The following INTU variants were observed in gnomAD, a reference collection of about 807,000 sequenced individuals.
INTU encodes the protein protein inturned.
INTU carries 68 observed loss-of-function variants against 100.5 expected under a neutral mutation model. That is an observed-to-expected ratio of 0.68 (90% CI 0.56 to 0.83). The LOEUF is 0.83. INTU is among the 40% of genes least tolerant of loss of function. The probability of loss-of-function intolerance (pLI) is 0.00; values close to 1 mark genes in which losing one functional copy is unlikely to be tolerated. For missense variants in INTU, 1,071 were observed against 1,114.7 expected, an observed-to-expected ratio of 0.96 and a Z score of 0.56; for synonymous variants, 357 against 395.7, an observed-to-expected ratio of 0.90 and a Z score of 1.16.
At chr4:127,643,332 T>A (rs1727415303) in intron 1 of INTU, among the ~76,000 whole-genome samples, 189 bp from the exon 2 acceptor site, 1 of 152,142 alleles carries the variant, frequency 6.6e-6, no homozygotes, top group South Asian at 2.1e-4. Context: ...AAAAAAAGCA[T>A]CCTATATGAA....
chr4:127,721,368 A>G lies in INTU; in HGVS notation c.*4932A>G, dbSNP rs1403213085. On this transcript the variant is annotated 3_prime_UTR_variant, in exon 16 of 16. Coordinates refer to ENST00000335251, the MANE Select transcript of INTU (RefSeq NM_015693.4). The stretch of plus-strand genomic sequence containing the variant: ...GTTAGTCTGATGGGCTTCCCTTTAT[A>G]AGTGACCTGGCCTATCTCTCTGACT... The G allele has an allele frequency of 6.6e-6, 1 of 152,140 alleles. No individual in the cohort carries two copies. Among genetic ancestry groups the G allele is most frequent in the Non-Finnish European group, 1.5e-5 (1 of 68,028 alleles). 9.4% of individuals were successfully genotyped at this position (152,140 alleles called of 1,614,324 possible).
rs1731292451 is a variant in INTU, at chr4:127,717,941, T to C, written c.*1505T>C. 6.6e-6 allele frequency: 1 copy of C among 152,238 alleles called. No individual in the cohort carries two copies. Among genetic ancestry groups the C allele is most frequent in the African/African-American group, 2.4e-5 (1 of 41,462 alleles). The allele number at this position is 152,238 out of a possible 1,614,324, so 9.4% of individuals were successfully genotyped here. A position where few individuals can be genotyped will look rare whatever the true frequency, so the allele number is the denominator to read the frequency against. On this transcript the variant is annotated 3_prime_UTR_variant, in exon 16 of 16. Transcript: ENST00000335251. The stretch of plus-strand genomic sequence containing the variant: ...ATTTTCTCCCACTCTGTAGGTTGCC[T>C]GTTCACTCTGATGATAGTTTCTTTT...
intron 9 of INTU, among the ~76,000 whole-genome samples, chr4:127,700,302 A>G (rs1730592837): frequency 6.6e-6 from 1 of 152,212 alleles, no homozygotes; most frequent in African/African-American, 2.4e-5. Flanking sequence ...GTCACTGAGA[A>G]CTAAGCTTTT....
At chr4:127,674,344 A>G (rs1729076204) in intron 6 of INTU, 131 bp downstream of exon 6, 1 of 649,908 alleles carries the variant, frequency 1.5e-6, no homozygotes, top group Non-Finnish European at 2.6e-6. Flanking sequence ...CTATTGCACT[A>G]GTAAAATAGT....
chr4:127,718,929 A>G lies in INTU; in HGVS notation c.*2493A>G, dbSNP rs1244278402. On this transcript the variant is annotated 3_prime_UTR_variant, in exon 16 of 16. Coordinates refer to ENST00000335251, the MANE Select transcript of INTU (RefSeq NM_015693.4). ...TAGATATAGGATAATGTCCTCTGCA[A>G]ACAAAGACATTTTGACTTCCTCTCT... 6.6e-6 allele frequency: 1 copy of G among 152,168 alleles called. No individual in the cohort carries two copies. Among genetic ancestry groups the G allele is most frequent in the South Asian group, 2.1e-4 (1 of 4,824 alleles). The allele number at this position is 152,168 out of a possible 1,614,324, so 9.4% of individuals were successfully genotyped here.
chr4:127,633,230 A>C, intron 1 of INTU, 50 bp downstream of exon 1: 1 of 1,578,574 alleles, frequency 6.3e-7, no homozygotes, highest in Non-Finnish European at 8.7e-7. Context: ...AATCCAGAGA[A>C]TATACACGTG....
intron 4 of INTU, among the ~76,000 whole-genome samples, chr4:127,664,646 A>C (rs1323449601): frequency 6.6e-6 from 1 of 152,074 alleles, no homozygotes; most frequent in Non-Finnish European, 1.5e-5. Context: ...TCTGTCTTAA[A>C]GTCCTTTTTT....
intron 8 of INTU, among the ~76,000 whole-genome samples, chr4:127,690,975 C>T (rs896069385): frequency 7.9e-5 from 12 of 152,118 alleles, no homozygotes; most frequent in African/African-American, 2.7e-4. Flanking sequence ...TTCACAGCCC[C>T]AGAAATCCTC....
intron 8 of INTU, among the ~76,000 whole-genome samples, chr4:127,691,111 G>A (rs1730101838): frequency 6.6e-6 from 1 of 152,076 alleles, no homozygotes; most frequent in Non-Finnish European, 1.5e-5. Context: ...CATATGGTAT[G>A]TAGTCTTTTC....
rs901145463 is a variant in INTU, at chr4:127,723,303, G to A, written c.*6867G>A. On this transcript the variant is annotated 3_prime_UTR_variant, in exon 16 of 16. Coordinates refer to ENST00000335251, the MANE Select transcript of INTU (RefSeq NM_015693.4). Reference sequence around the variant, plus strand: ...TCAGTATCTCAACTGAAGATGCAGAGTTGACTCACAGTTTTCTTCCTTCTT... The same window carrying A: ...TCAGTATCTCAACTGAAGATGCAGAATTGACTCACAGTTTTCTTCCTTCTT... The A allele has an allele frequency of 6.6e-6, 1 of 150,746 alleles. No homozygotes were observed. The highest frequency in any genetic ancestry group is 2.4e-5 in the African/African-American group (1 of 40,844). 9.3% of individuals were successfully genotyped at this position (150,746 alleles called of 1,614,324 possible). A position where few individuals can be genotyped will look rare whatever the true frequency, so the allele number is the denominator to read the frequency against.
chr4:127,655,541 C>T (rs1287759083), intron 2 of INTU, among the ~76,000 whole-genome samples: 1 of 151,616 alleles, frequency 6.6e-6, no homozygotes, highest in Admixed American at 6.6e-5. Flanking sequence ...GCTCGGGGGT[C>T]AGGGGTCAGG....
chr4:127,699,410 A>G (rs760289504), intron 8 of INTU: 1 of 152,216 alleles, frequency 6.6e-6, no homozygotes, highest in Non-Finnish European at 1.5e-5. Context: ...TCTGTGGGGT[A>G]GTTGAACTGT....
rs148444990 is a variant in INTU, at chr4:127,705,674, A to T, written c.1650A>T (p.Leu550Phe). 123 of 1,613,762 alleles carry T rather than the reference A, an allele frequency of 7.6e-5. No individual in the cohort carries two copies. In the African/African-American group the frequency reaches 1.5e-3, roughly 20 times the overall value. Residue 550 changes from leucine to phenylalanine, a missense_variant, in exon 11 of 16, where the codon TTA (leucine) becomes TTT (phenylalanine). Physicochemically the swap from Leu to Phe is conservative, Grantham distance 22. Coordinates refer to ENST00000335251, the MANE Select transcript of INTU (RefSeq NM_015693.4). The stretch of plus-strand genomic sequence containing the variant: ...GTCGCCACTATTGCCTGCTGCCTTT[A>T]GCAGCAAAACAAAGAATTGGTCAGT... ...VYCRHYCLLP[L>F]AAKQRIGQLI...
intron 6 of INTU, among the ~76,000 whole-genome samples, chr4:127,682,677 A>T (rs1729633396): frequency 6.6e-6 from 1 of 151,790 alleles, no homozygotes; most frequent in Non-Finnish European, 1.5e-5. Context: ...GCACACCAGC[A>T]TGGCACATGT....
intron 3 of INTU, among the ~76,000 whole-genome samples, chr4:127,662,196 G>A (rs564303794): frequency 2.6e-5 from 4 of 152,150 alleles, no homozygotes; most frequent in South Asian, 2.1e-4. Flanking sequence ...TGTCAGATGC[G>A]TAGTTTGCAA....
Position 127,669,052 on chromosome 4 carries a change from A to G in INTU, c.989A>G (p.His330Arg), listed in dbSNP as rs1315186944. The change falls in exon 5 of 16, where the codon CAT (histidine) becomes CGT (arginine). Residue 330 changes from histidine to arginine, a missense_variant. By Grantham distance (29) the His-to-Arg change is conservative. Coordinates refer to ENST00000335251, the MANE Select transcript of INTU (RefSeq NM_015693.4). The part of the protein sequence containing the change: ...TSKEEQEILY[H>R]YPMSEASQKL... Reference sequence around the variant, plus strand: ...ATTTAACAGCAGGAAATTCTTTATCATTATCCAATGTCTGAAGCATCTCAG... The same window carrying G: ...ATTTAACAGCAGGAAATTCTTTATCGTTATCCAATGTCTGAAGCATCTCAG... 2 of 1,479,866 alleles carry G rather than the reference A, an allele frequency of 1.4e-6. No individual in the cohort carries two copies. The highest frequency in any genetic ancestry group is 1.8e-6 in the Non-Finnish European group (2 of 1,085,878). The allele number at this position is 1,479,866 out of a possible 1,614,324, so 91.7% of individuals were successfully genotyped here.
chr4:127,676,585 C>CAAA (rs759247806), intron 6 of INTU, among the ~76,000 whole-genome samples: 2 of 76,776 alleles, frequency 2.6e-5, no homozygotes, highest in African/African-American at 1.0e-4. Context: ...GACAATGTCT[C>CAAA]AAAAAAAAAA....
intron 5 of INTU, among the ~76,000 whole-genome samples, chr4:127,671,958 A>G (rs1442976385): frequency 6.6e-6 from 1 of 152,094 alleles, no homozygotes; most frequent in African/African-American, 2.4e-5. Context: ...TAATGTATAC[A>G]CATGGACATA....
At chr4:127,693,551 G>A (rs900582976) in intron 8 of INTU, among the ~76,000 whole-genome samples, 1 of 151,988 alleles carries the variant, frequency 6.6e-6, no homozygotes, top group Non-Finnish European at 1.5e-5. Context: ...TTACTTATTT[G>A]GATGCCCTTT....
Sources: gnomAD v4.1 joint callset for allele counts (sites outside exome capture counted in the v4.1 genomes callset) on GRCh38, gnomAD v4.1.1 for gene constraint, MANE v1.5 for transcripts, NCBI Gene and HGNC (gene_info 2026-07-23, HGNC 2026-07-21) for gene names.